SFSWAP: variants seen among roughly 807,000 people sequenced by gnomAD.
The protein encoded by SFSWAP is splicing factor SWAP.
Under a neutral mutation model 100.7 loss-of-function variants are expected in SFSWAP, and 17 were observed. The ratio of observed to expected loss-of-function variants is 0.17; its 90% CI spans 0.12 to 0.25. The LOEUF (loss-of-function observed/expected upper bound fraction) is 0.25, where lower values mean the gene tolerates loss of function less well. SFSWAP is among the 10% of genes least tolerant of loss of function. The pLI is 1.00. For missense variants in SFSWAP, 1,005 were observed against 1,262.6 expected, an observed-to-expected ratio of 0.80 and a Z score of 3.09; for synonymous variants, 504 against 510.1, an observed-to-expected ratio of 0.99 and a Z score of 0.16.
chr12:131,734,934 G>T lies in SFSWAP; in HGVS notation c.1081+6506G>T, dbSNP rs1321581568. ...GGGGTGGGGCAGTGAGGGGGGGCCCGCTCCGAGAGACAGACAGGTCAGGCC... is the reference window on the plus strand; with the variant it reads ...GGGGTGGGGCAGTGAGGGGGGGCCCTCTCCGAGAGACAGACAGGTCAGGCC... On this transcript the variant is annotated intron_variant, in intron 7 of 17. Transcript: ENST00000261674. The surrounding 1 kb of genome is among the most constrained non-coding windows in gnomAD (Gnocchi z 4.9). 6.6e-6 allele frequency among the ~76,000 whole-genome samples: 1 copy of T among 152,160 alleles called. No individual in the cohort carries two copies. Among genetic ancestry groups the T allele is most frequent in the South Asian group, 2.1e-4 (1 of 4,832 alleles).
At chr12:131,753,592 C>A (rs1015630462) in intron 8 of SFSWAP, 12 of 572,318 alleles carry the variant, frequency 2.1e-5, no homozygotes, top group Non-Finnish European at 3.3e-5. Flanking sequence ...AAGTTGAATT[C>A]ATTTCACGTC....
intron 3 of SFSWAP, among the ~76,000 whole-genome samples, chr12:131,717,109 A>C (rs965926596): frequency 3.3e-5 from 5 of 152,192 alleles, no homozygotes; most frequent in African/African-American, 1.2e-4. Flanking sequence ...CCTAACACAC[A>C]CACACACATA....
chr12:131,795,021 C>T (rs1885526669), intron 15 of SFSWAP, among the ~76,000 whole-genome samples: 1 of 152,232 alleles, frequency 6.6e-6, no homozygotes, highest in Admixed American at 6.5e-5. Flanking sequence ...TTTGCCGCTT[C>T]CTTTGAAATC....
At chr12:131,762,594 GT>G (rs1882766741) in intron 11 of SFSWAP, among the ~76,000 whole-genome samples, 1 of 151,872 alleles carries the variant, frequency 6.6e-6, no homozygotes, top group African/African-American at 2.4e-5. Context: ...GTTTTGTTTT[GT>G]TTTTTGTTTT....
In SFSWAP at chr12:131,768,039, G is replaced by A. The variant is rs979477726; in HGVS notation, c.2142+1731G>A. On this transcript the variant is annotated intron_variant, in intron 13 of 17. Coordinates refer to ENST00000261674, the MANE Select transcript of SFSWAP (RefSeq NM_004592.4). ...CCCAGCACCCCAGGCGATTGCATGC[G>A]CGTGCTCGCTCATCTATATGTGCGC... 7.9e-5 allele frequency among the ~76,000 whole-genome samples: 12 copies of A among 152,360 alleles called. 1 individual carries two copies. Among genetic ancestry groups the A allele is most frequent in the East Asian group, 5.8e-4 (3 of 5,190 alleles).
rs1442462013 is a variant in SFSWAP, at chr12:131,711,467, C to T, written c.218+20C>T. 4.4e-6 allele frequency: 7 copies of T among 1,580,016 alleles called. No homozygotes were observed. The highest frequency in any genetic ancestry group is 6.1e-6 in the Non-Finnish European group (7 of 1,150,836). The stretch of plus-strand genomic sequence containing the variant: ...CGACAGGTCGGTTCCTCTCCCCACC[C>T]GTCGATCCTTCCCTTCCCTCACCCG... On this transcript the variant is annotated intron_variant, in intron 1 of 17. Transcript: ENST00000261674. The surrounding 1 kb of genome is among the most constrained non-coding windows in gnomAD (Gnocchi z 4.9).
In SFSWAP at chr12:131,714,280, T is replaced by TA. The variant is rs1171249537; in HGVS notation, c.388+44dup. On this transcript the variant is annotated intron_variant, in intron 2 of 17. Transcript: ENST00000261674. This position sits in a 1 kb window ranked among gnomAD's most constrained non-coding sequence, Gnocchi z 6.0. ...AAACTTACTTCAGCAACAAACTTTT[T>TA]AAAATTTTTAAGTATTTAAAAATTT... 6.6e-7 allele frequency: 1 copy of TA among 1,525,160 alleles called. No individual in the cohort carries two copies. Among genetic ancestry groups the TA allele is most frequent in the East Asian group, 2.4e-5 (1 of 41,736 alleles). The allele number at this position is 1,525,160 out of a possible 1,614,324, so 94.5% of individuals were successfully genotyped here.
Position 131,753,362 on chromosome 12 carries a change from A to T in SFSWAP, c.1321A>T (p.Ser441Cys). 6.2e-7 allele frequency: 1 copy of T among 1,611,480 alleles called. No individual in the cohort carries two copies. The highest frequency in any genetic ancestry group is 2.2e-5 in the East Asian group (1 of 44,792). Reference sequence around the variant, plus strand: ...GGCCACCTCCACAACCACCACCACAAGGTAGGTGCAGCGTCCACCGCTGCC... The same window carrying T: ...GGCCACCTCCACAACCACCACCACATGGTAGGTGCAGCGTCCACCGCTGCC... ...SGATSTTTTT[S>C]ALAPVAAIIP... The change falls in exon 8 of 18, where the codon AGT becomes TGT. Residue 441 changes from serine to cysteine, a missense_variant and splice_region_variant. This residue lies in a region of SFSWAP where 311 missense variants were observed against 317.8 expected (regional missense o/e 0.98). Coordinates refer to ENST00000261674, the MANE Select transcript of SFSWAP (RefSeq NM_004592.4).
At position 131,711,109 on chromosome 12, in the gene SFSWAP, C is replaced by T; in HGVS notation, c.-121C>T. 2 of 767,004 alleles carry T rather than the reference C, an allele frequency of 2.6e-6. No homozygotes were observed. Among genetic ancestry groups the T allele is most frequent in the Non-Finnish European group, 4.1e-6 (2 of 493,500 alleles). 47.5% of individuals were successfully genotyped at this position (767,004 alleles called of 1,614,324 possible). ...TCCACCATTTTGTGGCCCGCTATGGCGGCGGTGTTGAGGTTGGGTACGGGA... is the reference window on the plus strand; with the variant it reads ...TCCACCATTTTGTGGCCCGCTATGGTGGCGGTGTTGAGGTTGGGTACGGGA... On this transcript the variant is annotated 5_prime_UTR_variant, in exon 1 of 18. Transcript: ENST00000261674. This position sits in a 1 kb window ranked among gnomAD's most constrained non-coding sequence, Gnocchi z 4.9.
At position 131,778,971 on chromosome 12, in the gene SFSWAP, A is replaced by G. The variant is rs575908001; in HGVS notation, c.2408+641A>G. 2.6e-5 allele frequency among the ~76,000 whole-genome samples: 4 copies of G among 151,724 alleles called. No homozygotes were observed. The highest frequency in any genetic ancestry group is 5.9e-5 in the Non-Finnish European group (4 of 67,890). ...GCTGGGGGTCTTTTGTTTTATTTGTATAAGTGAAGTTTCCCATGCTAATTT... is the reference window on the plus strand; with the variant it reads ...GCTGGGGGTCTTTTGTTTTATTTGTGTAAGTGAAGTTTCCCATGCTAATTT... On this transcript the variant is annotated intron_variant, in intron 14 of 17. Transcript: ENST00000261674. This position sits in a 1 kb window ranked among gnomAD's most constrained non-coding sequence, Gnocchi z 4.2.
intron 7 of SFSWAP, among the ~76,000 whole-genome samples, chr12:131,746,996 C>A (rs1000043878): frequency 7.3e-5 from 11 of 150,854 alleles, no homozygotes; most frequent in Non-Finnish European, 1.2e-4. Context: ...CCCAGCTACT[C>A]GGGAGGCTGA....
chr12:131,747,147 T>C (rs936954609), intron 7 of SFSWAP, among the ~76,000 whole-genome samples: 5 of 148,036 alleles, frequency 3.4e-5, no homozygotes, highest in Non-Finnish European at 7.5e-5. Flanking sequence ...TACCATTCTC[T>C]CCTGTGTAAC....
chr12:131,711,142 T>G lies in SFSWAP; in HGVS notation c.-88T>G, dbSNP rs1396551558. ...TTGAGGTTGGGTACGGGATGCGGGG[T>G]CTTTGACTGAAGGGGTAGGCCAAGT... is the stretch of plus-strand genomic sequence containing the variant. On this transcript the variant is annotated 5_prime_UTR_variant, in exon 1 of 18. Transcript: ENST00000261674. This position sits in a 1 kb window ranked among gnomAD's most constrained non-coding sequence, Gnocchi z 4.9. 6.5e-6 allele frequency: 7 copies of G among 1,080,132 alleles called. No individual in the cohort carries two copies. Among genetic ancestry groups the G allele is most frequent in the Non-Finnish European group, 9.1e-6 (7 of 769,150 alleles). 66.9% of individuals were successfully genotyped at this position (1,080,132 alleles called of 1,614,324 possible).
At chr12:131,762,765 T>C (rs1882785121) in intron 11 of SFSWAP, among the ~76,000 whole-genome samples, 1 of 152,132 alleles carries the variant, frequency 6.6e-6, no homozygotes, top group South Asian at 2.1e-4. Flanking sequence ...CACACCCAGC[T>C]AATTTGTGTA....
chr12:131,754,785 C>T (rs1566030550), intron 9 of SFSWAP, among the ~76,000 whole-genome samples: 1 of 151,726 alleles, frequency 6.6e-6, no homozygotes, highest in Non-Finnish European at 1.5e-5. Flanking sequence ...AGGCGCGCAC[C>T]ACCACGCCTG....
Position 131,711,310 on chromosome 12 carries a change from C to A in SFSWAP, c.81C>A (p.Gly27=). 6.2e-7 allele frequency: 1 copy of A among 1,613,258 alleles called. No individual in the cohort carries two copies. Among genetic ancestry groups the A allele is most frequent in the Non-Finnish European group, 8.5e-7 (1 of 1,179,766 alleles). Reference sequence around the variant, plus strand: ...AGGAGGCCGGGCCAGGCGGTGCCGGCGGTGGGGGCAGCCGAGTGGAGCTCT... The same window carrying A: ...AGGAGGCCGGGCCAGGCGGTGCCGGAGGTGGGGGCAGCCGAGTGGAGCTCT... The part of the protein sequence containing the change: ...AKEEAGPGGA[G]GGGSRVELLV... The change falls in exon 1 of 18, where the codon GGC becomes GGA. Residue 27 remains glycine, a synonymous_variant. Coordinates refer to ENST00000261674, the MANE Select transcript of SFSWAP (RefSeq NM_004592.4). The surrounding 1 kb of genome is among the most constrained non-coding windows in gnomAD (Gnocchi z 4.9).
intron 11 of SFSWAP, 52 bp downstream of exon 11, chr12:131,756,696 G>A (rs773307808): frequency 6.8e-7 from 1 of 1,474,628 alleles, no homozygotes; most frequent in Non-Finnish European, 9.1e-7. Flanking sequence ...AAGTTGGCAA[G>A]CGTAGGATCC....
intron 3 of SFSWAP, among the ~76,000 whole-genome samples, chr12:131,719,046 T>C (rs1440657291): frequency 2.6e-5 from 4 of 152,036 alleles, no homozygotes; most frequent in Non-Finnish European, 5.9e-5. Context: ...CAAACACTGA[T>C]CAGATTGAGG....
Position 131,778,358 on chromosome 12 carries a change from G to C in SFSWAP, c.2408+28G>C. ...GGGTGTGAAGGGGGCAGCACCTCTG[G>C]TACCCTCATGACCCCCATGTCCTTC... On this transcript the variant is annotated intron_variant, in intron 14 of 17. Coordinates refer to ENST00000261674, the MANE Select transcript of SFSWAP (RefSeq NM_004592.4). This position sits in a 1 kb window ranked among gnomAD's most constrained non-coding sequence, Gnocchi z 4.2. 1.2e-6 allele frequency: 2 copies of C among 1,603,962 alleles called. No homozygotes were observed. Among genetic ancestry groups the C allele is most frequent in the Non-Finnish European group, 1.7e-6 (2 of 1,174,546 alleles).
Sources: gnomAD v4.1 joint callset for allele counts (sites outside exome capture counted in the v4.1 genomes callset) on GRCh38, gnomAD v4.1.1 for gene constraint, gnomAD v4.1.1 regional missense constraint, Gnocchi (gnomAD v3.1) non-coding constraint, MANE v1.5 for transcripts, NCBI Gene and HGNC (gene_info 2026-07-23, HGNC 2026-07-21) for gene names.